The following ZCCHC8 variants were observed in gnomAD, a reference collection of about 807,000 sequenced individuals.
ZCCHC8 encodes the protein zinc finger CCHC domain-containing protein 8.
Under a neutral mutation model 70.6 loss-of-function variants are expected in ZCCHC8, and 27 were observed. The ratio of observed to expected loss-of-function variants is 0.38; its 90% CI spans 0.28 to 0.53. The LOEUF (loss-of-function observed/expected upper bound fraction) is 0.53, where lower values mean the gene tolerates loss of function less well. Ranked by LOEUF, ZCCHC8 falls within the 20% of genes least tolerant of loss-of-function variation. The pLI is 0.81. For synonymous variants in ZCCHC8, 293 were observed against 317.4 expected, an observed-to-expected ratio of 0.92 and a Z score of 0.82; for missense variants, 737 against 876.9, an observed-to-expected ratio of 0.84 and a Z score of 2.01.
chr12:122,473,896 C>G lies in ZCCHC8; in HGVS notation c.1725G>C (p.Lys575Asn). The change falls in exon 14 of 14, where the codon AAG (lysine) becomes AAC (asparagine). Residue 575 changes from lysine to asparagine, a missense_variant. Transcript: ENST00000633063. ...LPVPEGKTSE[K>N]QTLDEPEVPE... Reference sequence around the variant, plus strand: ...GTACCTCAGGCTCATCCAGCGTCTGCTTTTCAGATGTTTTTCCCTCCGGGA... The same window carrying G: ...GTACCTCAGGCTCATCCAGCGTCTGGTTTTCAGATGTTTTTCCCTCCGGGA... 1 of 1,613,938 alleles carries G rather than the reference C, an allele frequency of 6.2e-7. No homozygotes were observed. Among genetic ancestry groups the G allele is most frequent in the Non-Finnish European group, 8.5e-7 (1 of 1,179,892 alleles).
chr12:122,491,389 C>T (rs1467877907), intron 3 of ZCCHC8, among the ~76,000 whole-genome samples: 5 of 151,110 alleles, frequency 3.3e-5, no homozygotes, highest in African/African-American at 1.2e-4. Context: ...ATTAGCCAGG[C>T]CTGGTGGCAG....
intron 13 of ZCCHC8, 74 bp downstream of exon 13, chr12:122,477,767 G>A (rs1957447531): frequency 8.9e-7 from 1 of 1,126,526 alleles, no homozygotes; most frequent in African/African-American, 1.6e-5. Context: ...TCCAGCCTGG[G>A]TGACAAGAGT....
At chr12:122,476,639 G>A (rs1675143590) in intron 13 of ZCCHC8, among the ~76,000 whole-genome samples, 1 of 151,434 alleles carries the variant, frequency 6.6e-6, no homozygotes, top group African/African-American at 2.4e-5. Context: ...AGAGGAAAGA[G>A]CCCCTAGTAC....
intron 3 of ZCCHC8, among the ~76,000 whole-genome samples, chr12:122,491,563 T>C (rs1232258249): frequency 7.3e-6 from 1 of 137,716 alleles, no homozygotes; most frequent in Non-Finnish European, 1.5e-5. Flanking sequence ...GTGCGGTGCC[T>C]CATACCTGTA....
chr12:122,488,130 A>C (rs1043625564), intron 5 of ZCCHC8, among the ~76,000 whole-genome samples: 1 of 151,522 alleles, frequency 6.6e-6, no homozygotes. Context: ...TCTTGGGTTC[A>C]AAGCAATTTC....
chr12:122,478,485 C>T (rs771061953), intron 11 of ZCCHC8, 193 bp from the exon 12 acceptor site: 64 of 549,972 alleles, frequency 1.2e-4, no homozygotes, highest in Non-Finnish European at 1.6e-4. Flanking sequence ...ATAATTAAGA[C>T]TGAATACTAA....
At chr12:122,491,960 T>G (rs529535971) in intron 3 of ZCCHC8, among the ~76,000 whole-genome samples, 4 of 152,282 alleles carry the variant, frequency 2.6e-5, no homozygotes, top group Non-Finnish European at 5.9e-5. Context: ...AGCCCAGTTG[T>G]GCCCAGCACC....
rs1466127580 is a variant in ZCCHC8 at position 122,478,289 on chromosome 12, A to G, written c.1144T>C (p.Trp382Arg). 8.9e-6 allele frequency: 14 copies of G among 1,577,384 alleles called. No homozygotes were observed. The highest frequency in any genetic ancestry group is 1.2e-5 in the Non-Finnish European group (14 of 1,162,780). Reference protein sequence around the residue: ...ISTPRGIPDEWRIFGSIPMQA... With the variant: ...ISTPRGIPDERRIFGSIPMQA... ...ATTGGTATGGAACCAAAGATCCTCC[A>G]TTCCTAATGATGAAAAGAGAAGGAA... The change falls in exon 12 of 14, where the codon TGG becomes CGG. Residue 382 changes from tryptophan (W) to arginine (R), a missense_variant. Transcript: ENST00000633063.
intron 9 of ZCCHC8, 30 bp from the exon 10 acceptor site, chr12:122,481,694 A>C: frequency 6.2e-7 from 1 of 1,603,562 alleles, no homozygotes; most frequent in Non-Finnish European, 8.5e-7. Flanking sequence ...GAAGAAAAAT[A>C]CTGAATTCTT....
At chr12:122,480,830 G>A (rs1431511956) in intron 10 of ZCCHC8, 1 of 152,246 alleles carries the variant, frequency 6.6e-6, no homozygotes, top group African/African-American at 2.4e-5. Context: ...GGCTGGTCTT[G>A]AACTCCTGAC....
intron 10 of ZCCHC8, chr12:122,480,578 C>T: frequency 3.7e-6 from 1 of 268,462 alleles, no homozygotes; most frequent in Non-Finnish European, 7.0e-6. Flanking sequence ...CTCAAGTGAT[C>T]CTCCCACCTC....
At chr12:122,493,903 G>C (rs549561718) in intron 2 of ZCCHC8, among the ~76,000 whole-genome samples, 1 of 152,034 alleles carries the variant, frequency 6.6e-6, no homozygotes, top group African/African-American at 2.4e-5. Context: ...GTGAGCCACC[G>C]CGCCCAGCCT....
At chr12:122,497,541 CA>C (rs1270501437) in intron 2 of ZCCHC8, among the ~76,000 whole-genome samples, 1 of 151,734 alleles carries the variant, frequency 6.6e-6, no homozygotes, top group African/African-American at 2.4e-5. Context: ...CACTCTGTCT[CA>C]AAAAAATTAA....
intron 7 of ZCCHC8, 135 bp from the exon 8 acceptor site, chr12:122,482,830 C>T: frequency 1.5e-6 from 1 of 675,592 alleles, no homozygotes. Context: ...ATATCTGCAA[C>T]AAGAAGTACA....
chr12:122,478,340 T>A lies in ZCCHC8; in HGVS notation c.1141-48A>T, dbSNP rs1380925782. On this transcript the variant is annotated intron_variant, in intron 11 of 13. Coordinates refer to ENST00000633063, the MANE Select transcript of ZCCHC8 (RefSeq NM_017612.5). ...AAAAAAAACACATGTATTTGGAAAA[T>A]GTCATGTTTTGAGATTTTGCTCAAA... 9 of 1,406,632 alleles carry A rather than the reference T, an allele frequency of 6.4e-6. No individual in the cohort carries two copies. In the Admixed American group the frequency reaches 1.3e-4, roughly 20 times the overall value. The allele number at this position is 1,406,632 out of a possible 1,614,324, so 87.1% of individuals were successfully genotyped here. A position where few individuals can be genotyped will look rare whatever the true frequency, so the allele number is the denominator to read the frequency against.
chr12:122,477,700 A>G (rs58234409), intron 13 of ZCCHC8, 141 bp downstream of exon 13: 1 of 666,706 alleles, frequency 1.5e-6, no homozygotes, highest in South Asian at 1.6e-5. Flanking sequence ...CTGAGGCGGG[A>G]GAATACTTGA....
At chr12:122,484,336 G>A (rs1033789029) in intron 5 of ZCCHC8, among the ~76,000 whole-genome samples, 12 of 151,746 alleles carry the variant, frequency 7.9e-5, no homozygotes, top group African/African-American at 2.4e-4. Context: ...GAGCTTAAGC[G>A]ATCCACCCGA....
chr12:122,500,453 G>T lies in ZCCHC8; in HGVS notation c.199+189C>A. ...TCCCTGAGGGGAAGAGGTCTGCGCCGAGGCAGCCTGCGCGCCCCGAACCCT... is the reference window on the plus strand; with the variant it reads ...TCCCTGAGGGGAAGAGGTCTGCGCCTAGGCAGCCTGCGCGCCCCGAACCCT... On this transcript the variant is annotated intron_variant, in intron 1 of 13. Coordinates refer to ENST00000633063, the MANE Select transcript of ZCCHC8 (RefSeq NM_017612.5). The surrounding 1 kb of genome is among the most constrained non-coding windows in gnomAD (Gnocchi z 4.8). The T allele has an allele frequency of 1.3e-6, 1 of 742,394 alleles. No homozygotes were observed. Among genetic ancestry groups the T allele is most frequent in the Non-Finnish European group, 2.1e-6 (1 of 471,384 alleles). The allele number at this position is 742,394 out of a possible 1,614,324, so 46.0% of individuals were successfully genotyped here. A position where few individuals can be genotyped will look rare whatever the true frequency, so the allele number is the denominator to read the frequency against.
chr12:122,494,011 G>A (rs1282599208), intron 2 of ZCCHC8, among the ~76,000 whole-genome samples: 3 of 152,134 alleles, frequency 2.0e-5, no homozygotes, highest in Non-Finnish European at 4.4e-5. Context: ...AAAGCATATT[G>A]TACTAAATAT....
Sources: allele counts gnomAD v4.1 joint callset (sites outside exome capture counted in the v4.1 genomes callset), GRCh38; gene constraint gnomAD v4.1.1; non-coding constraint Gnocchi (gnomAD v3.1); transcripts MANE v1.5; gene names NCBI Gene and HGNC (gene_info 2026-07-23, HGNC 2026-07-21).